Variants in CDC25A observed in about 807,000 individuals in gnomAD.
CDC25A encodes the protein M-phase inducer phosphatase 1.
A neutral mutation model predicts 64.6 loss-of-function variants in CDC25A; 17 were observed. That is an observed-to-expected ratio of 0.26 (90% CI 0.18 to 0.39). CDC25A has a LOEUF of 0.39. Among genes scored for constraint, CDC25A ranks in the 10% least tolerant of loss-of-function variants. The probability of loss-of-function intolerance (pLI) is 1.00; values close to 1 mark genes in which losing one functional copy is unlikely to be tolerated. For missense variants in CDC25A, 473 were observed against 654.8 expected (o/e 0.72, Z 3.03); for synonymous variants, 229 against 238.6 (o/e 0.96, Z 0.37).
intron 5 of CDC25A, among the ~76,000 whole-genome samples, chr3:48,181,047 C>T (rs1012391502): frequency 6.6e-6 from 1 of 152,210 alleles, no homozygotes; most frequent in African/African-American, 2.4e-5. Context: ...TCTTGTCATA[C>T]TGTATTTCCT....
chr3:48,168,399 CACA>C (rs2032129698), intron 9 of CDC25A, among the ~76,000 whole-genome samples: 1 of 149,438 alleles, frequency 6.7e-6, no homozygotes, highest in Non-Finnish European at 1.5e-5. Context: ...CACACACACA[CACA>C]CACACAAGCT....
intron 5 of CDC25A, among the ~76,000 whole-genome samples, chr3:48,181,297 AG>A (rs1263849963): frequency 6.6e-6 from 1 of 152,008 alleles, no homozygotes; most frequent in Admixed American, 6.6e-5. Flanking sequence ...AAAAAAAAAA[AG>A]CCCTACTGGT....
chr3:48,181,292 A>C (rs929668742), intron 5 of CDC25A, among the ~76,000 whole-genome samples: 4 of 152,152 alleles, frequency 2.6e-5, no homozygotes, highest in Non-Finnish European at 5.9e-5. Flanking sequence ...AATGAAAAAA[A>C]AAAAAGCCCT....
chr3:48,159,142 G>C (rs954927295), intron 14 of CDC25A, 57 bp from the exon 15 acceptor site: 1 of 1,590,034 alleles, frequency 6.3e-7, no homozygotes, highest in African/African-American at 1.3e-5. Flanking sequence ...CCACAACCTG[G>C]TTTCCTCTCT....
At chr3:48,178,287 G>C (rs757412794) in intron 6 of CDC25A, among the ~76,000 whole-genome samples, 2 of 152,206 alleles carry the variant, frequency 1.3e-5, no homozygotes, top group African/African-American at 2.4e-5. Flanking sequence ...TTAGAAGGTT[G>C]CATCAGTGAA....
At chr3:48,159,748 T>C (rs2031668562) in intron 13 of CDC25A, among the ~76,000 whole-genome samples, 1 of 152,182 alleles carries the variant, frequency 6.6e-6, no homozygotes, top group African/African-American at 2.4e-5. Flanking sequence ...TTTCACTATA[T>C]GAGCCAGCTT....
chr3:48,158,860 C>T lies in CDC25A; in HGVS notation c.*85G>A. The T allele has an allele frequency of 6.6e-7, 1 of 1,505,908 alleles. No individual in the cohort carries two copies. The highest frequency in any genetic ancestry group is 9.1e-7 in the Non-Finnish European group (1 of 1,103,350). 93.3% of individuals were successfully genotyped at this position (1,505,908 alleles called of 1,614,324 possible). ...CCCTCTCCAAATGTCACACAGCTGTCCCCTTTGCTTAAGTTTCTCTGCAGC... is the reference window on the plus strand; with the variant it reads ...CCCTCTCCAAATGTCACACAGCTGTTCCCTTTGCTTAAGTTTCTCTGCAGC... On this transcript the variant is annotated 3_prime_UTR_variant, in exon 15 of 15. Transcript: ENST00000302506.
chr3:48,185,660 A>T (rs2032820562), intron 2 of CDC25A, among the ~76,000 whole-genome samples: 1 of 152,190 alleles, frequency 6.6e-6, no homozygotes, highest in South Asian at 2.1e-4. Context: ...ACTGGTCATG[A>T]CATGCAAGGC....
Position 48,164,440 on chromosome 3 carries a change from G to A in CDC25A, c.1192-3C>T, listed in dbSNP as rs2031916951. ...TCCATGTGCAAGTTCACTGCACCCTGTGAAGACAACAGAGACCCTTGGAAC... is the reference window on the plus strand; with the variant it reads ...TCCATGTGCAAGTTCACTGCACCCTATGAAGACAACAGAGACCCTTGGAAC... On this transcript the variant is annotated splice_region_variant and splice_polypyrimidine_tract_variant and intron_variant, in intron 12 of 14. Coordinates refer to ENST00000302506, the MANE Select transcript of CDC25A (RefSeq NM_001789.3). 1.9e-6 allele frequency: 3 copies of A among 1,560,246 alleles called. No homozygotes were observed. Among genetic ancestry groups the A allele is most frequent in the South Asian group, 2.4e-5 (2 of 81,976 alleles).
chr3:48,174,945 G>A (rs1419185534), intron 8 of CDC25A, among the ~76,000 whole-genome samples: 1 of 152,180 alleles, frequency 6.6e-6, no homozygotes, highest in South Asian at 2.1e-4. Context: ...TGGAGGGAGT[G>A]GGGATGGGCA....
At chr3:48,173,830 A>C (rs769799536) in intron 9 of CDC25A, among the ~76,000 whole-genome samples, 1 of 152,228 alleles carries the variant, frequency 6.6e-6, no homozygotes, top group African/African-American at 2.4e-5. Flanking sequence ...CGGTCATACC[A>C]AGAACCAGAA....
chr3:48,166,682 C>T (rs994416344), intron 10 of CDC25A, among the ~76,000 whole-genome samples: 3 of 152,174 alleles, frequency 2.0e-5, no homozygotes, highest in African/African-American at 7.2e-5. Context: ...ACTGGCTGAG[C>T]CAAGAGTTCA....
intron 13 of CDC25A, among the ~76,000 whole-genome samples, chr3:48,160,214 G>A (rs890652102): frequency 6.6e-6 from 1 of 152,130 alleles, no homozygotes; most frequent in African/African-American, 2.4e-5. Context: ...CCGGGTTCAA[G>A]CAATTCTCCT....
In CDC25A at chr3:48,177,233, G is replaced by A; in HGVS notation, c.756+138C>T. The stretch of plus-strand genomic sequence containing the variant: ...CATGACTAAAGGTCATAATTTGTAG[G>A]TAGCCAAAGTGAGGCCTAAAACCCA... On this transcript the variant is annotated intron_variant, in intron 8 of 14. Transcript: ENST00000302506. The A allele has an allele frequency of 4.6e-6, 3 of 657,560 alleles. No homozygotes were observed. The Admixed American group carries it at 7.9e-5, about 17-fold the overall frequency. 40.7% of individuals were successfully genotyped at this position (657,560 alleles called of 1,614,324 possible). A position where few individuals can be genotyped will look rare whatever the true frequency, so the allele number is the denominator to read the frequency against.
intron 13 of CDC25A, among the ~76,000 whole-genome samples, chr3:48,160,349 T>C (rs900929718): frequency 2.0e-5 from 3 of 149,458 alleles, no homozygotes; most frequent in Admixed American, 6.7e-5. Context: ...GACCTTGTGA[T>C]CCACCTGCCT....
At chr3:48,177,170 C>A (rs2032495447) in intron 8 of CDC25A, among the ~76,000 whole-genome samples, 1 of 152,118 alleles carries the variant, frequency 6.6e-6, no homozygotes, top group South Asian at 2.1e-4. Flanking sequence ...CCTCCTAACC[C>A]ACACTCCTTA....
Position 48,167,870 on chromosome 3 carries a change from C to T in CDC25A, c.1005G>A (p.Arg335=), listed in dbSNP as rs953671381. 23 of 1,603,094 alleles carry T rather than the reference C, an allele frequency of 1.4e-5. No individual in the cohort carries two copies. In the East Asian group the frequency reaches 4.9e-4, roughly 34 times the overall value. The change falls in exon 10 of 15, where the codon AGG becomes AGA. Residue 335 remains arginine, a synonymous_variant. Transcript: ENST00000302506. ...CCTTGGAGAAGTCTCCTATAAGGTC[C>T]CTTGGGTCATTGTCCAAAATGTTCT... The part of the protein sequence containing the change: ...TIENILDNDP[R]DLIGDFSKGY...
chr3:48,174,479 A>AGACC, intron 8 of CDC25A, 22 bp from the exon 9 acceptor site: 1 of 1,595,148 alleles, frequency 6.3e-7, no homozygotes, highest in Non-Finnish European at 8.5e-7. Context: ...AAAAACAGAC[A>AGACC]GACCCATCTT....
intron 6 of CDC25A, among the ~76,000 whole-genome samples, chr3:48,179,274 G>A (rs1366893942): frequency 1.3e-5 from 2 of 152,166 alleles, no homozygotes; most frequent in Non-Finnish European, 2.9e-5. Context: ...TATGTTCTGG[G>A]ATTCCTAGGT....
Sources: allele counts gnomAD v4.1 joint callset (sites outside exome capture counted in the v4.1 genomes callset), GRCh38; gene constraint gnomAD v4.1.1; transcripts MANE v1.5; gene names NCBI Gene and HGNC (gene_info 2026-07-23, HGNC 2026-07-21).